ADGRL3: variants seen among roughly 807,000 people sequenced by gnomAD.
The protein encoded by ADGRL3 is adhesion G protein-coupled receptor L3.
In ADGRL3, 62 loss-of-function variants were observed where a neutral mutation model predicts 153.5. The observed-to-expected ratio is 0.40, with a 90% CI of 0.33 to 0.50. ADGRL3 has a LOEUF of 0.50. Ranked by LOEUF, ADGRL3 falls within the 20% of genes least tolerant of loss-of-function variation. The probability of loss-of-function intolerance (pLI) is 0.47; values close to 1 mark genes in which losing one functional copy is unlikely to be tolerated. For synonymous variants in ADGRL3, 710 were observed against 672.5 expected (o/e 1.06, Z -0.86); for missense variants, 1,641 against 1,859.4 (o/e 0.88, Z 2.16).
chr4:61,767,588 G>A (rs886137145), intron 8 of ADGRL3, among the ~76,000 whole-genome samples: 17 of 152,166 alleles, frequency 1.1e-4, no homozygotes, highest in African/African-American at 3.9e-4. Flanking sequence ...GAAGGAGTCA[G>A]TCAGAGAGCC....
chr4:61,925,769 C>T (rs770615195), intron 13 of ADGRL3, among the ~76,000 whole-genome samples: 1 of 152,148 alleles, frequency 6.6e-6, no homozygotes, highest in Non-Finnish European at 1.5e-5. Flanking sequence ...CAGGCCCCAC[C>T]TCCAACACTG....
At chr4:61,839,387 GT>G (rs2097990210) in intron 9 of ADGRL3, among the ~76,000 whole-genome samples, 1 of 151,608 alleles carries the variant, frequency 6.6e-6, no homozygotes, top group Admixed American at 6.6e-5. Context: ...TAGATACAGA[GT>G]TCTCACTATG....
intron 13 of ADGRL3, among the ~76,000 whole-genome samples, chr4:61,919,542 G>A (rs1379590280): frequency 6.6e-6 from 1 of 152,030 alleles, no homozygotes; most frequent in Non-Finnish European, 1.5e-5. Context: ...GATAAAGAAT[G>A]GTTATAAGAA....
intron 1 of ADGRL3, among the ~76,000 whole-genome samples, chr4:61,335,986 A>T (rs2151044177): frequency 6.6e-6 from 1 of 152,290 alleles, no homozygotes; most frequent in East Asian, 1.9e-4. Flanking sequence ...TTCATGGATA[A>T]TTCTAAATTT....
At chr4:61,623,432 C>A (rs2092653791) in intron 5 of ADGRL3, among the ~76,000 whole-genome samples, 1 of 151,900 alleles carries the variant, frequency 6.6e-6, no homozygotes, top group Admixed American at 6.6e-5. Context: ...GTAGTCACAG[C>A]CCTATAAATT....
chr4:61,954,747 G>A (rs909653752), intron 17 of ADGRL3, among the ~76,000 whole-genome samples: 8 of 152,052 alleles, frequency 5.3e-5, no homozygotes, highest in Non-Finnish European at 1.0e-4. Flanking sequence ...CAAGGACAGC[G>A]CTTGCCAAGA....
At chr4:61,227,550 A>G (rs1748550808) in intron 1 of ADGRL3, among the ~76,000 whole-genome samples, 1 of 152,080 alleles carries the variant, frequency 6.6e-6, no homozygotes, top group African/African-American at 2.4e-5. Flanking sequence ...GATCTCTGAG[A>G]GTTATATCAA....
At chr4:61,486,747 G>A (rs559939393) in intron 2 of ADGRL3, among the ~76,000 whole-genome samples, 4 of 152,026 alleles carry the variant, frequency 2.6e-5, no homozygotes, top group African/African-American at 9.6e-5. Flanking sequence ...CTTTTATTTG[G>A]GAAAACCTTT....
intron 4 of ADGRL3, among the ~76,000 whole-genome samples, chr4:61,577,755 G>A (rs2098897412): frequency 6.6e-6 from 1 of 151,418 alleles, no homozygotes; most frequent in Admixed American, 6.6e-5. Context: ...CGAGGTTGTA[G>A]TGACATATGA....
At chr4:61,831,848 A>G (rs1261972962) in intron 9 of ADGRL3, among the ~76,000 whole-genome samples, 2 of 152,094 alleles carry the variant, frequency 1.3e-5, no homozygotes, top group Admixed American at 6.6e-5. Context: ...GGTCTTTTAC[A>G]TATCTTAACC....
At chr4:61,738,106 G>A (rs1263744420) in intron 8 of ADGRL3, among the ~76,000 whole-genome samples, 1 of 151,932 alleles carries the variant, frequency 6.6e-6, no homozygotes, top group Non-Finnish European at 1.5e-5. Context: ...AGTCCCCAAA[G>A]TCCACTGTAT....
chr4:61,308,058 A>G (rs2094862474), intron 1 of ADGRL3, among the ~76,000 whole-genome samples: 1 of 152,210 alleles, frequency 6.6e-6, no homozygotes, highest in Non-Finnish European at 1.5e-5. Flanking sequence ...CTCTGAAAAC[A>G]AGAGCAATAC....
At chr4:62,036,837 G>T (rs991418084) in intron 23 of ADGRL3, among the ~76,000 whole-genome samples, 2 of 151,778 alleles carry the variant, frequency 1.3e-5, no homozygotes, top group Admixed American at 6.6e-5. Flanking sequence ...GTTGTTATTG[G>T]TAATAGATAT....
chr4:61,883,568 G>A (rs2098520594), intron 9 of ADGRL3, among the ~76,000 whole-genome samples: 3 of 152,110 alleles, frequency 2.0e-5, no homozygotes, highest in African/African-American at 2.4e-5. Context: ...GGCACAGAGA[G>A]GCATTACAAT....
intron 6 of ADGRL3, among the ~76,000 whole-genome samples, chr4:61,695,378 AAGGTGACT>A (rs1207790126): frequency 2.0e-5 from 3 of 152,200 alleles, no homozygotes; most frequent in Non-Finnish European, 4.4e-5. Context: ...TCAGAGGTTT[AAGGTGACT>A]AGGTGTATTG....
chr4:61,439,894 C>T (rs2097506204), intron 2 of ADGRL3, among the ~76,000 whole-genome samples: 1 of 152,078 alleles, frequency 6.6e-6, no homozygotes, highest in South Asian at 2.1e-4. Flanking sequence ...CTCTTTTATA[C>T]ATGTACACAT....
chr4:61,836,119 AAT>A (rs2097931355), intron 9 of ADGRL3, among the ~76,000 whole-genome samples: 1 of 152,160 alleles, frequency 6.6e-6, no homozygotes, highest in African/African-American at 2.4e-5. Context: ...ACCATTGAAG[AAT>A]ATCTCATCTA....
intron 6 of ADGRL3, among the ~76,000 whole-genome samples, chr4:61,685,805 A>T (rs941072852): frequency 1.7e-4 from 26 of 152,118 alleles, no homozygotes; most frequent in Non-Finnish European, 3.7e-4. Context: ...GAATTGAATA[A>T]ACTGACCTTC....
intron 1 of ADGRL3, among the ~76,000 whole-genome samples, chr4:61,217,069 G>C (rs985843450): frequency 3.9e-5 from 6 of 152,092 alleles, no homozygotes; most frequent in Admixed American, 2.6e-4. Context: ...CTATTTATTT[G>C]TTAGCACTAG....
Sources: allele counts gnomAD v4.1 joint callset (sites outside exome capture counted in the v4.1 genomes callset), GRCh38; gene constraint gnomAD v4.1.1; transcripts MANE v1.5; gene names NCBI Gene and HGNC (gene_info 2026-07-23, HGNC 2026-07-21).